Variants in ARL3 observed in about 807,000 individuals in gnomAD.
ARL3 encodes ARF like GTPase 3.
A neutral mutation model predicts 26.0 loss-of-function variants in ARL3; 9 were observed. That is an observed-to-expected ratio of 0.35 (90% CI 0.21 to 0.60). The LOEUF is 0.60. Ranked by LOEUF, ARL3 falls within the 20% of genes least tolerant of loss-of-function variation. ARL3 has a pLI of 0.78. For missense variants in ARL3, 158 were observed against 215.7 expected, an observed-to-expected ratio of 0.73 and a Z score of 1.67; for synonymous variants, 71 against 78.4, an observed-to-expected ratio of 0.91 and a Z score of 0.50.
intron 4 of ARL3, among the ~76,000 whole-genome samples, chr10:102,687,310 T>C (rs2064193155): frequency 6.6e-6 from 1 of 152,060 alleles, no homozygotes; most frequent in South Asian, 2.1e-4. Flanking sequence ...CACAGCTTAC[T>C]GCAGGCTCAA....
chr10:102,673,787 TGA>T lies in ARL3; in HGVS notation c.*3105_*3106del, dbSNP rs973968242. On this transcript the variant is annotated 3_prime_UTR_variant, in exon 6 of 6. Coordinates refer to ENST00000260746, the MANE Select transcript of ARL3 (RefSeq NM_004311.4). The stretch of plus-strand genomic sequence containing the variant: ...TTTGACAGACGTCTAAATTATACAT[TGA>T]GTTTTCCACATGACCAAACACCACA... 1 of 152,154 alleles carries T rather than the reference TGA, an allele frequency of 6.6e-6. No homozygotes were observed. Among genetic ancestry groups the T allele is most frequent in the African/African-American group, 2.4e-5 (1 of 41,420 alleles). 9.4% of individuals were successfully genotyped at this position (152,154 alleles called of 1,614,324 possible).
At chr10:102,698,775 G>A (rs568006479) in intron 3 of ARL3, among the ~76,000 whole-genome samples, 2 of 152,310 alleles carry the variant, frequency 1.3e-5, no homozygotes, top group East Asian at 3.9e-4. Context: ...GCACGAGGCA[G>A]CTTCTCCTAC....
At chr10:102,696,322 G>T in intron 3 of ARL3, among the ~76,000 whole-genome samples, 1 of 142,244 alleles carries the variant, frequency 7.0e-6, no homozygotes, top group African/African-American at 2.6e-5. Flanking sequence ...CTGGAGAGCA[G>T]TGGCGCAATC....
chr10:102,698,570 T>TA (rs2064262085), intron 3 of ARL3, among the ~76,000 whole-genome samples: 1 of 151,738 alleles, frequency 6.6e-6, no homozygotes, highest in Admixed American at 6.6e-5. Flanking sequence ...TGAGGTAGAG[T>TA]AGATGACAAG....
In ARL3 at chr10:102,685,798, G is replaced by A; in HGVS notation, c.501+18C>T. 1.3e-6 allele frequency: 2 copies of A among 1,585,174 alleles called. No homozygotes were observed. The highest frequency in any genetic ancestry group is 2.3e-5 in the South Asian group (2 of 87,098). ...AGCTGTCATGTTGCCAGGTGGCCAA[G>A]CCTTCCTGTAATCTCACCTGAACGC... On this transcript the variant is annotated intron_variant, in intron 5 of 5. Transcript: ENST00000260746.
At chr10:102,704,226 A>C (rs1162577321) in intron 2 of ARL3, among the ~76,000 whole-genome samples, 2 of 150,906 alleles carry the variant, frequency 1.3e-5, no homozygotes, top group Non-Finnish European at 2.9e-5. Context: ...GTATTTATTA[A>C]GTCTGAAAAG....
At chr10:102,694,503 A>G (rs926223228) in intron 3 of ARL3, among the ~76,000 whole-genome samples, 1 of 151,310 alleles carries the variant, frequency 6.6e-6, no homozygotes, top group African/African-American at 2.4e-5. Context: ...CTATTTTAAC[A>G]TTTTAAGTTA....
chr10:102,681,392 C>CAAAAA (rs11421481), intron 5 of ARL3, among the ~76,000 whole-genome samples: 1 of 132,650 alleles, frequency 7.5e-6, no homozygotes, highest in Non-Finnish European at 1.6e-5. Flanking sequence ...AACTCCATCT[C>CAAAAA]AAAAAAAAAA....
intron 1 of ARL3, among the ~76,000 whole-genome samples, chr10:102,709,773 C>T (rs2064328689): frequency 6.6e-6 from 1 of 152,020 alleles, no homozygotes; most frequent in Non-Finnish European, 1.5e-5. Context: ...TGGCTCATGC[C>T]TGTAATCCCA....
chr10:102,683,472 C>T (rs900890555), intron 5 of ARL3, among the ~76,000 whole-genome samples: 2 of 152,188 alleles, frequency 1.3e-5, no homozygotes, highest in African/African-American at 4.8e-5. Flanking sequence ...AAGTGACCTT[C>T]AAACTATTTC....
At chr10:102,706,960 A>C (rs1246418478) in intron 1 of ARL3, among the ~76,000 whole-genome samples, 1 of 150,436 alleles carries the variant, frequency 6.6e-6, no homozygotes, top group Non-Finnish European at 1.5e-5. Flanking sequence ...GCCATGAGCC[A>C]CCTCTCCTGG....
At chr10:102,689,867 C>CT (rs758980196) in intron 4 of ARL3, 26 bp downstream of exon 4, 12 of 1,476,440 alleles carry the variant, frequency 8.1e-6, no homozygotes, top group Non-Finnish European at 1.1e-5. Context: ...TATATAAGAA[C>CT]TTTGATATAA....
At chr10:102,698,229 T>C (rs1012431416) in intron 3 of ARL3, among the ~76,000 whole-genome samples, 1 of 151,508 alleles carries the variant, frequency 6.6e-6, no homozygotes, top group South Asian at 2.1e-4. Context: ...TGAGACAGAG[T>C]ATCACTCTGT....
In ARL3 at chr10:102,673,898, G is replaced by A. The variant is rs1375138707; in HGVS notation, c.*2996C>T. 2.0e-5 allele frequency: 3 copies of A among 152,492 alleles called. No homozygotes were observed. Among genetic ancestry groups the A allele is most frequent in the African/African-American group, 7.2e-5 (3 of 41,418 alleles). The allele number at this position is 152,492 out of a possible 1,614,324, so 9.4% of individuals were successfully genotyped here. On this transcript the variant is annotated 3_prime_UTR_variant, in exon 6 of 6. Transcript: ENST00000260746. ...TCAGACTGAACCCTGAAACCACATG[G>A]AGTGCAGAGCTAAAAATAAAAGGAA... is the stretch of plus-strand genomic sequence containing the variant.
chr10:102,691,414 T>G (rs2136001250), intron 3 of ARL3, among the ~76,000 whole-genome samples: 1 of 152,166 alleles, frequency 6.6e-6, no homozygotes, highest in South Asian at 2.1e-4. Context: ...AGAATGATGA[T>G]TTCCATACAA....
intron 2 of ARL3, among the ~76,000 whole-genome samples, chr10:102,705,085 A>G (rs2064302198): frequency 6.6e-6 from 1 of 152,154 alleles, no homozygotes; most frequent in Admixed American, 6.5e-5. Context: ...TGTACCCGTT[A>G]AACAATAACT....
chr10:102,708,908 A>ATATATATTTTT, intron 1 of ARL3, among the ~76,000 whole-genome samples: 45 of 95,318 alleles, frequency 4.7e-4, no homozygotes, highest in South Asian at 2.6e-3. Flanking sequence ...ATATATATAT[A>ATATATATTTTT]TTTTTTTTTT....
intron 5 of ARL3, among the ~76,000 whole-genome samples, chr10:102,681,225 T>TA (rs1373125590): frequency 1.3e-5 from 2 of 151,150 alleles, no homozygotes; most frequent in South Asian, 2.1e-4. Context: ...TCGTTGCTAC[T>TA]AAAAAAAATA....
intron 3 of ARL3, among the ~76,000 whole-genome samples, chr10:102,694,472 T>C (rs906737797): frequency 6.6e-6 from 1 of 152,198 alleles, no homozygotes; most frequent in Non-Finnish European, 1.5e-5. Flanking sequence ...TCAAGGGCTC[T>C]AGGTCGAAGG....
Sources: allele counts gnomAD v4.1 joint callset (sites outside exome capture counted in the v4.1 genomes callset), GRCh38; gene constraint gnomAD v4.1.1; transcripts MANE v1.5; gene names NCBI Gene and HGNC (gene_info 2026-07-23, HGNC 2026-07-21).